SPIRE1: variants seen among roughly 807,000 people sequenced by gnomAD.
SPIRE1 encodes spire type actin nucleation factor 1.
A neutral mutation model predicts 94.1 loss-of-function variants in SPIRE1; 40 were observed. That is an observed-to-expected ratio of 0.43 (90% CI 0.33 to 0.55). The LOEUF (loss-of-function observed/expected upper bound fraction) is 0.55. Among genes scored for constraint, SPIRE1 ranks in the 20% least tolerant of loss-of-function variants. The pLI is 0.06. For missense variants in SPIRE1, 838 were observed against 975.2 expected (o/e 0.86, Z 1.87); for synonymous variants, 376 against 371.7 (o/e 1.01, Z -0.13).
chr18:12,651,620 G>A (rs943534318), intron 1 of SPIRE1, among the ~76,000 whole-genome samples: 6 of 152,098 alleles, frequency 3.9e-5, no homozygotes, highest in Non-Finnish European at 8.8e-5. Flanking sequence ...GCTGCAGTGA[G>A]CCGAGATCAC....
chr18:12,459,431 A>C (rs550433682), intron 12 of SPIRE1, among the ~76,000 whole-genome samples: 159 of 152,294 alleles, frequency 1.0e-3, no homozygotes, highest in African/African-American at 3.3e-3. Context: ...CCTAGGAGGA[A>C]TGCACCCCAC....
rs563991673 is a variant in SPIRE1, at chr18:12,501,471, C to T, written c.972+5006G>A. ...GCGATCTCAGCTAACTGCGACTGCGCCTCCCGAGTTCAAGCAATTCTCCTA... is the reference window on the plus strand; with the variant it reads ...GCGATCTCAGCTAACTGCGACTGCGTCTCCCGAGTTCAAGCAATTCTCCTA... On this transcript the variant is annotated intron_variant, in intron 6 of 16. Coordinates refer to ENST00000409402, the MANE Select transcript of SPIRE1 (RefSeq NM_001128626.2). 1.3e-4 allele frequency among the ~76,000 whole-genome samples: 20 copies of T among 152,318 alleles called. No homozygotes were observed. The South Asian group carries it at 3.1e-3, about 24-fold the overall frequency.
intron 8 of SPIRE1, among the ~76,000 whole-genome samples, chr18:12,491,200 C>G (rs2033221059): frequency 7.0e-6 from 1 of 143,720 alleles, no homozygotes; most frequent in Admixed American, 7.1e-5. Flanking sequence ...GAAAGACTTA[C>G]TGTTAACATG....
Position 12,546,903 on chromosome 18 carries a change from A to C in SPIRE1, c.374T>G (p.Val125Gly). The change falls in exon 3 of 17, where the codon GTC (valine) becomes GGC (glycine). Residue 125 changes from valine to glycine, a missense_variant and splice_region_variant. Transcript: ENST00000409402. Reference protein sequence around the residue: ...LGYSQCMETEVIESLGIIIYK... With the variant: ...LGYSQCMETEGIESLGIIIYK... ...AATAATAATTCCCAAAGATTCAATG[A>C]CCTAGGAACATTTAAAAAAGTGGTT... The C allele has an allele frequency of 6.2e-7, 1 of 1,604,260 alleles. No homozygotes were observed.
Position 12,471,103 on chromosome 18 carries a change from T to TAA in SPIRE1, c.1405-6147_1405-6146dup, listed in dbSNP as rs138606031. Among the ~76,000 whole-genome samples the TAA allele has an allele frequency of 6.3e-3, 614 of 96,928 alleles. 8 individuals carry two copies. The highest frequency in any genetic ancestry group is 0.018 in the African/African-American group (509 of 28,350). 63.6% of individuals were successfully genotyped at this position (96,928 alleles called of 152,430 possible). A position where few individuals can be genotyped will look rare whatever the true frequency, so the allele number is the denominator to read the frequency against. ...GCTACAATCAAAACTCATCTTTCAG[T>TAA]AAAAAAAAAAAAAAAAAAAAGTTAC... is the stretch of plus-strand genomic sequence containing the variant. On this transcript the variant is annotated intron_variant, in intron 10 of 16. Coordinates refer to ENST00000409402, the MANE Select transcript of SPIRE1 (RefSeq NM_001128626.2).
At chr18:12,534,085 T>C (rs1187820887) in intron 4 of SPIRE1, among the ~76,000 whole-genome samples, 1 of 152,126 alleles carries the variant, frequency 6.6e-6, no homozygotes, top group Non-Finnish European at 1.5e-5. Flanking sequence ...CATTGCCCTA[T>C]CATAAAAAGA....
chr18:12,593,876 C>T (rs761668576), intron 2 of SPIRE1, among the ~76,000 whole-genome samples: 20 of 151,866 alleles, frequency 1.3e-4, no homozygotes, highest in Non-Finnish European at 1.9e-4. Context: ...CGCTTGAACC[C>T]GGGAGGCGGA....
At chr18:12,606,191 T>C (rs1388695724) in intron 2 of SPIRE1, among the ~76,000 whole-genome samples, 2 of 150,746 alleles carry the variant, frequency 1.3e-5, no homozygotes, top group Admixed American at 1.3e-4. Context: ...CACCACAGAG[T>C]ATTTTATATA....
chr18:12,463,288 A>G, intron 12 of SPIRE1, 63 bp downstream of exon 12: 1 of 1,425,192 alleles, frequency 7.0e-7, no homozygotes, highest in African/African-American at 1.4e-5. Context: ...TTCATAAGAA[A>G]GCTAATGATT....
chr18:12,569,660 A>T (rs2035916102), intron 2 of SPIRE1, among the ~76,000 whole-genome samples: 1 of 151,730 alleles, frequency 6.6e-6, no homozygotes, highest in Non-Finnish European at 1.5e-5. Context: ...AAGAGAAAAG[A>T]CAGCATCAGA....
chr18:12,510,181 G>C (rs537931412), intron 5 of SPIRE1, among the ~76,000 whole-genome samples: 2 of 151,920 alleles, frequency 1.3e-5, no homozygotes, highest in South Asian at 4.2e-4. Context: ...ACAGAAAGCA[G>C]ATGACTAATT....
At chr18:12,496,521 G>A (rs1225914345) in intron 6 of SPIRE1, among the ~76,000 whole-genome samples, 1 of 152,120 alleles carries the variant, frequency 6.6e-6, no homozygotes, top group Non-Finnish European at 1.5e-5. Context: ...AACCCCTGAG[G>A]TAGGGAGTTA....
intron 10 of SPIRE1, among the ~76,000 whole-genome samples, chr18:12,465,643 T>C (rs1343385311): frequency 6.6e-6 from 1 of 152,216 alleles, no homozygotes; most frequent in Non-Finnish European, 1.5e-5. Flanking sequence ...TAATACATTG[T>C]CAGCCTCATG....
At chr18:12,653,673 C>T (rs2038443127) in intron 1 of SPIRE1, among the ~76,000 whole-genome samples, 2 of 152,190 alleles carry the variant, frequency 1.3e-5, no homozygotes, top group African/African-American at 2.4e-5. Flanking sequence ...TCAGGCCGGG[C>T]GTGGTGGCTT....
chr18:12,512,764 A>G (rs2034075587), intron 4 of SPIRE1, among the ~76,000 whole-genome samples: 1 of 124,478 alleles, frequency 8.0e-6, no homozygotes, highest in Non-Finnish European at 1.6e-5. Context: ...TGCCAACACA[A>G]CTTTCTTTTT....
chr18:12,611,095 G>A (rs992653947), intron 2 of SPIRE1, among the ~76,000 whole-genome samples: 1 of 152,022 alleles, frequency 6.6e-6, no homozygotes, highest in Admixed American at 6.6e-5. Flanking sequence ...GATCGTTACT[G>A]GTGCAACAAA....
intron 4 of SPIRE1, among the ~76,000 whole-genome samples, chr18:12,518,520 A>G (rs2034266449): frequency 6.6e-6 from 1 of 151,954 alleles, no homozygotes. Flanking sequence ...AAGAAAAGAA[A>G]AAAGCAACAA....
rs2034810688 is a variant in SPIRE1 at position 12,535,527 on chromosome 18, T to C, written c.678A>G (p.Ala226=). The change falls in exon 4 of 17, where the codon GCA becomes GCG. Residue 226 remains alanine (A), a synonymous_variant. Transcript: ENST00000409402. ...HYQAVCRALF[A]ETMELHTFLT... ...GAAATGTATGGAGCTCCATTGTTTCTGCAAACAGTGCACGACATACTGCCT... is the reference window on the plus strand; with the variant it reads ...GAAATGTATGGAGCTCCATTGTTTCCGCAAACAGTGCACGACATACTGCCT... 6.2e-7 allele frequency: 1 copy of C among 1,613,516 alleles called. No individual in the cohort carries two copies. The highest frequency in any genetic ancestry group is 8.5e-7 in the Non-Finnish European group (1 of 1,179,592).
chr18:12,572,146 C>G lies in SPIRE1; in HGVS notation c.373-25242G>C, dbSNP rs560347120. Among the ~76,000 whole-genome samples the G allele has an allele frequency of 2.6e-5, 4 of 152,188 alleles. No individual in the cohort carries two copies. In the South Asian group the frequency reaches 8.3e-4, roughly 32 times the overall value. On this transcript the variant is annotated intron_variant, in intron 2 of 16. Transcript: ENST00000409402. ...GAATGACTGAGAAAAATCCTAATGA[C>G]TAGAGGAAGAGCGAGGATGAAGCTA...
Sources: gnomAD v4.1 joint callset for allele counts (sites outside exome capture counted in the v4.1 genomes callset) on GRCh38, gnomAD v4.1.1 for gene constraint, MANE v1.5 for transcripts, NCBI Gene and HGNC (gene_info 2026-07-23, HGNC 2026-07-21) for gene names.